GPC5: variants seen among roughly 807,000 people sequenced by gnomAD.
The protein encoded by GPC5 is glypican 5, also known as glypican-5.
In GPC5, 47 loss-of-function variants were observed where a neutral mutation model predicts 53.9. That is an observed-to-expected ratio of 0.87 (90% CI 0.69 to 1.11). The LOEUF (loss-of-function observed/expected upper bound fraction) is 1.11. Ranked by LOEUF, GPC5 falls within the 50% of genes most tolerant of loss-of-function variation. The pLI is 0.00. For synonymous variants in GPC5, 286 were observed against 263.3 expected (o/e 1.09, Z -0.84); for missense variants, 748 against 713.1 (o/e 1.05, Z -0.56).
intron 7 of GPC5, among the ~76,000 whole-genome samples, chr13:92,618,393 T>G (rs1027115487): frequency 1.3e-5 from 2 of 152,214 alleles, no homozygotes; most frequent in South Asian, 4.1e-4. Flanking sequence ...TTAACTTCAG[T>G]CACTCTTTAT....
intron 2 of GPC5, among the ~76,000 whole-genome samples, chr13:91,593,438 A>G (rs985455065): frequency 2.7e-5 from 4 of 150,812 alleles, no homozygotes; most frequent in African/African-American, 9.7e-5. Flanking sequence ...TTATTGTGAT[A>G]AGATGGAATG....
intron 7 of GPC5, among the ~76,000 whole-genome samples, chr13:92,737,766 C>CT (rs33914729): frequency 0.89 from 91,248 of 102,366 alleles, 41,021 homozygotes; most frequent in South Asian, 0.95. Context: ...TTTTCTTTTT[C>CT]TTTTTTTTTT....
At chr13:92,328,978 A>T (rs1288768314) in intron 7 of GPC5, among the ~76,000 whole-genome samples, 1 of 151,934 alleles carries the variant, frequency 6.6e-6, no homozygotes, top group Non-Finnish European at 1.5e-5. Context: ...GCAACTCCTG[A>T]TTTGCTCTCT....
chr13:91,938,793 C>G (rs966212070), intron 6 of GPC5, among the ~76,000 whole-genome samples: 9 of 152,036 alleles, frequency 5.9e-5, no homozygotes, highest in African/African-American at 1.9e-4. Flanking sequence ...GTTAAAGTGT[C>G]TATATAAATA....
intron 3 of GPC5, among the ~76,000 whole-genome samples, chr13:91,710,709 T>C (rs1187218858): frequency 6.6e-5 from 10 of 152,188 alleles, no homozygotes; most frequent in Non-Finnish European, 4.4e-5. Context: ...GGACTGAGGC[T>C]TCACTGACAA....
At chr13:92,438,436 A>C (rs1362702942) in intron 7 of GPC5, among the ~76,000 whole-genome samples, 2 of 151,164 alleles carry the variant, frequency 1.3e-5, no homozygotes, top group Non-Finnish European at 3.0e-5. Flanking sequence ...AAAGATGGTC[A>C]GCTTAAGCAT....
intron 7 of GPC5, among the ~76,000 whole-genome samples, chr13:92,375,699 T>C (rs941136453): frequency 6.6e-6 from 1 of 152,208 alleles, no homozygotes; most frequent in Non-Finnish European, 1.5e-5. Context: ...AACGGAAGGC[T>C]TGGACTCTCA....
At chr13:91,884,721 A>G (rs530934982) in intron 5 of GPC5, among the ~76,000 whole-genome samples, 2 of 152,338 alleles carry the variant, frequency 1.3e-5, no homozygotes, top group Admixed American at 6.5e-5. Context: ...ACAAGAGGAA[A>G]TAAGTGCGGC....
Position 91,878,901 on chromosome 13 carries a change from A to G in GPC5, c.1281-29036A>G, listed in dbSNP as rs561228604. On this transcript the variant is annotated intron_variant, in intron 5 of 7. Coordinates refer to ENST00000377067, the MANE Select transcript of GPC5 (RefSeq NM_004466.6). ...GAAGACATAATGAATGACCAAATCT[A>G]CATTGTAATTTAGAGGCTGAAATAG... Among the ~76,000 whole-genome samples the G allele has an allele frequency of 9.2e-5, 14 of 152,278 alleles. No homozygotes were observed. The East Asian group carries it at 2.5e-3, about 27-fold the overall frequency.
intron 7 of GPC5, among the ~76,000 whole-genome samples, chr13:92,627,251 T>C (rs1333307446): frequency 1.3e-5 from 2 of 152,336 alleles, no homozygotes; most frequent in African/African-American, 4.8e-5. Context: ...TTTAGCAATT[T>C]GAGGGGCAAG....
At chr13:91,871,964 G>C (rs1260604745) in intron 5 of GPC5, among the ~76,000 whole-genome samples, 1 of 152,048 alleles carries the variant, frequency 6.6e-6, no homozygotes, top group Admixed American at 6.6e-5. Context: ...GCAAAATTGC[G>C]GTGGAAAGAT....
At chr13:91,408,357 A>T (rs186344674) in intron 1 of GPC5, among the ~76,000 whole-genome samples, 1 of 152,274 alleles carries the variant, frequency 6.6e-6, no homozygotes, top group African/African-American at 2.4e-5. Flanking sequence ...AATGTCCTCC[A>T]GGTTCATCCA....
chr13:91,748,412 T>G (rs1303402762), intron 4 of GPC5, among the ~76,000 whole-genome samples: 1 of 152,208 alleles, frequency 6.6e-6, no homozygotes, highest in Non-Finnish European at 1.5e-5. Context: ...ATTTAAAGTT[T>G]CCCAAGCCAC....
intron 7 of GPC5, among the ~76,000 whole-genome samples, chr13:92,332,863 G>A (rs1002266042): frequency 2.0e-5 from 3 of 152,116 alleles, no homozygotes; most frequent in Non-Finnish European, 4.4e-5. Flanking sequence ...AAACTGCTGA[G>A]ACTTCTGGTT....
intron 7 of GPC5, among the ~76,000 whole-genome samples, chr13:92,329,644 G>A (rs1220102902): frequency 6.6e-6 from 1 of 152,138 alleles, no homozygotes; most frequent in Non-Finnish European, 1.5e-5. Flanking sequence ...AATTCAAATA[G>A]TATAAAAGTT....
chr13:92,022,248 G>C (rs778827834), intron 6 of GPC5, among the ~76,000 whole-genome samples: 3 of 149,338 alleles, frequency 2.0e-5, no homozygotes, highest in Admixed American at 2.0e-4. Flanking sequence ...TGATACACCC[G>C]CCTTGGCATC....
chr13:92,039,565 G>T (rs2040925566), intron 6 of GPC5, among the ~76,000 whole-genome samples: 1 of 152,206 alleles, frequency 6.6e-6, no homozygotes, highest in East Asian at 1.9e-4. Context: ...GCAAAAGTTG[G>T]TTGCTGTATT....
intron 6 of GPC5, among the ~76,000 whole-genome samples, chr13:92,133,445 A>G (rs183523042): frequency 2.6e-4 from 40 of 152,326 alleles, no homozygotes; most frequent in Admixed American, 1.4e-3. Flanking sequence ...TGAATTCTGC[A>G]TAGCTGGCTA....
chr13:92,147,648 A>G (rs868314072), intron 7 of GPC5, among the ~76,000 whole-genome samples: 2 of 152,042 alleles, frequency 1.3e-5, no homozygotes, highest in African/African-American at 2.4e-5. Context: ...GCATGGTACA[A>G]GCAGCTACCC....
Sources: gnomAD v4.1 joint callset for allele counts (sites outside exome capture counted in the v4.1 genomes callset) on GRCh38, gnomAD v4.1.1 for gene constraint, MANE v1.5 for transcripts, NCBI Gene and HGNC (gene_info 2026-07-23, HGNC 2026-07-21) for gene names.